Variants in CNTN3 observed in about 807,000 individuals in gnomAD.
CNTN3 encodes the protein contactin 3, also known as contactin-3.
CNTN3 carries 60 observed loss-of-function variants against 119.1 expected under a neutral mutation model. That is an observed-to-expected ratio of 0.50 (90% CI 0.41 to 0.62). The LOEUF (loss-of-function observed/expected upper bound fraction) is 0.62, where lower values mean the gene tolerates loss of function less well. Ranked by LOEUF, CNTN3 falls within the 20% of genes least tolerant of loss-of-function variation. The pLI is 0.00. For missense variants in CNTN3, 1,101 were observed against 1,242.4 expected, an observed-to-expected ratio of 0.89 and a Z score of 1.71; for synonymous variants, 450 against 438.7, an observed-to-expected ratio of 1.03 and a Z score of -0.32.
intron 1 of CNTN3, among the ~76,000 whole-genome samples, chr3:74,539,161 C>G (rs905319707): frequency 1.3e-5 from 2 of 152,088 alleles, no homozygotes; most frequent in Non-Finnish European, 2.9e-5. Flanking sequence ...ACATATCTAG[C>G]ACAGGATAGA....
At chr3:74,331,897 T>G (rs1218584534) in intron 13 of CNTN3, among the ~76,000 whole-genome samples, 1 of 152,206 alleles carries the variant, frequency 6.6e-6, no homozygotes, top group Admixed American at 6.5e-5. Context: ...GTAGATCTGG[T>G]TTAAATTATT....
At chr3:74,584,299 C>G (rs1416746418) in intron 1 of CNTN3, among the ~76,000 whole-genome samples, 1 of 152,066 alleles carries the variant, frequency 6.6e-6, no homozygotes, top group African/African-American at 2.4e-5. Flanking sequence ...TATAGGAAAA[C>G]AGCATGTCCA....
intron 16 of CNTN3, among the ~76,000 whole-genome samples, chr3:74,300,349 C>A (rs144625651): frequency 2.1e-3 from 326 of 152,260 alleles, no homozygotes; most frequent in African/African-American, 7.6e-3. Flanking sequence ...ATGACCCAGA[C>A]TCAAACCCTC....
At chr3:74,335,253 A>T (rs1293164125) in intron 12 of CNTN3, among the ~76,000 whole-genome samples, 1 of 151,616 alleles carries the variant, frequency 6.6e-6, no homozygotes, top group Non-Finnish European at 1.5e-5. Flanking sequence ...GGGTAGAAAT[A>T]GAAAATACTG....
At chr3:74,267,414 G>C in intron 20 of CNTN3, 36 bp from the exon 21 acceptor site, 1 of 1,408,004 alleles carries the variant, frequency 7.1e-7, no homozygotes, top group Non-Finnish European at 1.0e-6. Context: ...AAAACAGATC[G>C]AAGTACAAGT....
intron 20 of CNTN3, among the ~76,000 whole-genome samples, chr3:74,281,005 G>A (rs769027423): frequency 1.6e-4 from 24 of 152,164 alleles, no homozygotes; most frequent in Non-Finnish European, 1.6e-4. Context: ...AAGAGCTTTC[G>A]AGATACAGGA....
chr3:74,575,532 G>A lies in CNTN3; in HGVS notation c.-81+38859C>T, dbSNP rs370173101. 5.3e-5 allele frequency among the ~76,000 whole-genome samples: 8 copies of A among 151,638 alleles called. No individual in the cohort carries two copies. The East Asian group carries it at 9.8e-4, about 19-fold the overall frequency. On this transcript the variant is annotated intron_variant, in intron 1 of 22. Transcript: ENST00000263665. ...CCCAAAGTGCTGGGATTACAGGTGT[G>A]AGCCACCGCACCGAGCTGATTAGAT...
intron 3 of CNTN3, among the ~76,000 whole-genome samples, chr3:74,497,578 T>C (rs917879647): frequency 1.3e-5 from 2 of 151,922 alleles, no homozygotes; most frequent in African/African-American, 4.8e-5. Context: ...AATTTTATAT[T>C]GGTTAGAAAT....
intron 4 of CNTN3, among the ~76,000 whole-genome samples, chr3:74,432,057 C>T (rs145005289): frequency 1.4e-4 from 18 of 128,410 alleles, no homozygotes; most frequent in East Asian, 1.2e-3. Flanking sequence ...ATATCTTAAA[C>T]GTCTTTAATG....
At chr3:74,313,467 G>A (rs1337117749) in intron 13 of CNTN3, among the ~76,000 whole-genome samples, 3 of 152,084 alleles carry the variant, frequency 2.0e-5, no homozygotes, top group Admixed American at 6.5e-5. Context: ...TGTAAAAAGT[G>A]AAAATTTTAA....
intron 13 of CNTN3, among the ~76,000 whole-genome samples, chr3:74,309,369 T>C (rs1040443415): frequency 2.6e-5 from 4 of 152,162 alleles, no homozygotes; most frequent in African/African-American, 9.7e-5. Flanking sequence ...CCATTCTCCT[T>C]GATTTAATCT....
chr3:74,279,574 T>C (rs1000040259), intron 20 of CNTN3, among the ~76,000 whole-genome samples: 4 of 151,094 alleles, frequency 2.6e-5, no homozygotes, highest in African/African-American at 9.7e-5. Context: ...CTCATTGATA[T>C]GTGGGAGCTA....
At chr3:74,540,723 A>C (rs1703831589) in intron 1 of CNTN3, among the ~76,000 whole-genome samples, 1 of 152,084 alleles carries the variant, frequency 6.6e-6, no homozygotes, top group Non-Finnish European at 1.5e-5. Flanking sequence ...CCTGCCAAAA[A>C]CTTTCTTCTG....
intron 8 of CNTN3, among the ~76,000 whole-genome samples, chr3:74,368,027 A>G (rs1005548252): frequency 6.6e-6 from 1 of 152,042 alleles, no homozygotes; most frequent in Non-Finnish European, 1.5e-5. Context: ...TAGGAACCCA[A>G]AGACCTTGAA....
intron 2 of CNTN3, among the ~76,000 whole-genome samples, chr3:74,507,588 T>C (rs1703285796): frequency 1.3e-5 from 2 of 151,436 alleles, no homozygotes; most frequent in Admixed American, 1.3e-4. Context: ...ACCATCTACT[T>C]CTCCCTCCCT....
chr3:74,387,829 AAAT>A (rs1267828069), intron 5 of CNTN3, among the ~76,000 whole-genome samples: 1 of 152,224 alleles, frequency 6.6e-6, no homozygotes, highest in Non-Finnish European at 1.5e-5. Flanking sequence ...TATTAATTGA[AAAT>A]GAAAGAAAGG....
intron 2 of CNTN3, among the ~76,000 whole-genome samples, chr3:74,500,445 T>C (rs1037830562): frequency 6.6e-6 from 1 of 150,796 alleles, no homozygotes; most frequent in African/African-American, 2.4e-5. Context: ...CACCACCAAA[T>C]GCTTATGGGA....
At chr3:74,469,016 A>G (rs559119900) in intron 4 of CNTN3, among the ~76,000 whole-genome samples, 42 of 152,342 alleles carry the variant, frequency 2.8e-4, no homozygotes, top group African/African-American at 7.9e-4. Context: ...TAAAAAAAAG[A>G]AGAGAAAAAA....
intron 4 of CNTN3, among the ~76,000 whole-genome samples, chr3:74,470,625 G>C (rs1702542413): frequency 6.6e-6 from 1 of 152,138 alleles, no homozygotes; most frequent in African/African-American, 2.4e-5. Context: ...TGAATGACAA[G>C]GCTGCCTGAT....
Sources: gnomAD v4.1 joint callset for allele counts (sites outside exome capture counted in the v4.1 genomes callset) on GRCh38, gnomAD v4.1.1 for gene constraint, MANE v1.5 for transcripts, NCBI Gene and HGNC (gene_info 2026-07-23, HGNC 2026-07-21) for gene names.